Variants in KLF12 observed in about 807,000 individuals in gnomAD.
KLF12 encodes KLF transcription factor 12.
A neutral mutation model predicts 37.8 loss-of-function variants in KLF12; 9 were observed. The observed-to-expected ratio is 0.24, with a 90% CI of 0.14 to 0.42. KLF12 has a LOEUF of 0.42. KLF12 is among the 10% of genes least tolerant of loss of function. KLF12 has a pLI of 1.00. For missense variants in KLF12, 411 were observed against 516.0 expected (o/e 0.80, Z 1.97); for synonymous variants, 208 against 202.1 (o/e 1.03, Z -0.25).
intron 5 of KLF12, among the ~76,000 whole-genome samples, chr13:73,792,655 T>C (rs74724648): frequency 0.012 from 1,773 of 152,264 alleles, 39 homozygotes; most frequent in African/African-American, 0.04. Flanking sequence ...GAAGGTCGCA[T>C]GGGTGTATAC....
intron 3 of KLF12, among the ~76,000 whole-genome samples, chr13:73,893,108 T>A (rs1199594298): frequency 6.6e-6 from 1 of 152,090 alleles, no homozygotes; most frequent in East Asian, 1.9e-4. Flanking sequence ...ACATCTTATT[T>A]TGAAAAGGCA....
intron 1 of KLF12, among the ~76,000 whole-genome samples, chr13:74,122,186 T>C (rs764773767): frequency 2.6e-5 from 4 of 152,052 alleles, no homozygotes; most frequent in Non-Finnish European, 5.9e-5. Context: ...GCAATGGAGA[T>C]GTCAGGCAGA....
chr13:73,715,263 T>G, intron 7 of KLF12, 105 bp downstream of exon 7: 10 of 892,746 alleles, frequency 1.1e-5, no homozygotes, highest in Middle Eastern at 3.6e-4. Flanking sequence ...GAACTGGACT[T>G]GAGAGGTACA....
chr13:74,071,687 C>T (rs146983400), intron 1 of KLF12, among the ~76,000 whole-genome samples: 11,753 of 151,878 alleles, frequency 0.077, 652 homozygotes, highest in Admixed American at 0.18. Context: ...AGCGAGACTC[C>T]GTCTCAAAAA....
the KLF12 span, among the ~76,000 whole-genome samples, chr13:74,219,793 CT>C: frequency 6.6e-6 from 1 of 152,066 alleles, no homozygotes; most frequent in African/African-American, 2.4e-5. Context: ...GAGGAGTCAG[CT>C]GTCAGTGTAA....
In KLF12 at chr13:73,846,041, T is replaced by G. The variant is rs1200919011; in HGVS notation, c.456A>C (p.Ala152=). ...AAAACTGCTGGCCTCCAACACCAGA[T>G]GCAGAGGCCACAAGGGGCCCTGGAG... Residue 152 remains alanine, a synonymous_variant, in exon 4 of 8, where the codon GCA becomes GCC. Transcript: ENST00000377669. The G allele has an allele frequency of 1.2e-6, 2 of 1,613,958 alleles. No homozygotes were observed. The highest frequency in any genetic ancestry group is 2.2e-5 in the East Asian group (1 of 44,860).
chr13:74,165,788 C>T, the KLF12 span, among the ~76,000 whole-genome samples: 1 of 152,198 alleles, frequency 6.6e-6, no homozygotes, highest in East Asian at 1.9e-4. Context: ...CACCTCTGGA[C>T]CAACCATTCA....
chr13:73,989,881 T>C (rs932121328), intron 2 of KLF12, among the ~76,000 whole-genome samples: 1 of 151,982 alleles, frequency 6.6e-6, no homozygotes, highest in Non-Finnish European at 1.5e-5. Context: ...TATCTCTTCA[T>C]AGACTCCAAA....
chr13:74,072,241 C>G (rs1218272413), intron 1 of KLF12, among the ~76,000 whole-genome samples: 2 of 151,028 alleles, frequency 1.3e-5, no homozygotes, highest in Non-Finnish European at 2.9e-5. Flanking sequence ...AATGGAGTGT[C>G]TGGAATATGG....
At chr13:74,147,878 A>G in the KLF12 span, among the ~76,000 whole-genome samples, 3 of 151,756 alleles carry the variant, frequency 2.0e-5, no homozygotes, top group Non-Finnish European at 4.4e-5. Flanking sequence ...TCACCCATTT[A>G]TGTATATTGC....
chr13:73,775,874 T>C (rs1452208343), intron 5 of KLF12, among the ~76,000 whole-genome samples: 1 of 152,228 alleles, frequency 6.6e-6, no homozygotes, highest in African/African-American at 2.4e-5. Context: ...TCACCTCAAA[T>C]TGGACCTATT....
At chr13:73,821,787 T>TCTA (rs1035300374) in intron 4 of KLF12, among the ~76,000 whole-genome samples, 2 of 152,172 alleles carry the variant, frequency 1.3e-5, no homozygotes, top group Non-Finnish European at 2.9e-5. Flanking sequence ...TCCAGCTTTA[T>TCTA]CTAGCCATTT....
chr13:74,245,579 G>T, the KLF12 span, among the ~76,000 whole-genome samples: 749 of 152,240 alleles, frequency 4.9e-3, 7 homozygotes, highest in African/African-American at 0.018. Context: ...AGATTAAAAA[G>T]TTGAGGCTTA....
chr13:73,876,063 A>C (rs1042393688), intron 3 of KLF12, among the ~76,000 whole-genome samples: 2 of 152,118 alleles, frequency 1.3e-5, no homozygotes, highest in Non-Finnish European at 2.9e-5. Context: ...CTGCAAACAT[A>C]CTGACTTAAA....
chr13:74,096,054 A>G (rs1875966752), intron 1 of KLF12, among the ~76,000 whole-genome samples: 2 of 152,190 alleles, frequency 1.3e-5, no homozygotes, highest in Non-Finnish European at 1.5e-5. Context: ...AAAAGCCTCA[A>G]CTTAAGTACA....
At chr13:73,722,983 C>T (rs1178779290) in intron 6 of KLF12, among the ~76,000 whole-genome samples, 1 of 152,204 alleles carries the variant, frequency 6.6e-6, no homozygotes, top group African/African-American at 2.4e-5. Flanking sequence ...TATTTTTCCA[C>T]ATCACTTTCT....
intron 1 of KLF12, among the ~76,000 whole-genome samples, chr13:74,110,303 C>T (rs1020557059): frequency 6.6e-6 from 1 of 152,196 alleles, no homozygotes; most frequent in Non-Finnish European, 1.5e-5. Context: ...CACCCATCAA[C>T]GTGTGGCTTA....
chr13:73,884,353 C>T (rs1431673263), intron 3 of KLF12, among the ~76,000 whole-genome samples: 4 of 152,202 alleles, frequency 2.6e-5, no homozygotes, highest in African/African-American at 9.6e-5. Flanking sequence ...CCAGACAACC[C>T]AAGCCCTCAC....
intron 6 of KLF12, among the ~76,000 whole-genome samples, chr13:73,744,067 C>A (rs1878197347): frequency 6.6e-6 from 1 of 152,188 alleles, no homozygotes; most frequent in African/African-American, 2.4e-5. Flanking sequence ...AATATTTTTC[C>A]ATACCTCAAA....
Sources: allele counts gnomAD v4.1 joint callset (sites outside exome capture counted in the v4.1 genomes callset), GRCh38; gene constraint gnomAD v4.1.1; transcripts MANE v1.5; gene names NCBI Gene and HGNC (gene_info 2026-07-23, HGNC 2026-07-21).